Variants in CALN1 observed in about 807,000 individuals in gnomAD.
CALN1 encodes the protein calcium-binding protein 8.
In CALN1, 17 loss-of-function variants were observed where a neutral mutation model predicts 30.6. The ratio of observed to expected loss-of-function variants is 0.56; its 90% CI spans 0.38 to 0.83. CALN1 has a LOEUF of 0.83. CALN1 is among the 40% of genes least tolerant of loss of function. The pLI, the probability that CALN1 is intolerant of heterozygous loss-of-function variation, is 0.00. For synonymous variants in CALN1, 156 were observed against 131.4 expected, an observed-to-expected ratio of 1.19 and a Z score of -1.28; for missense variants, 291 against 354.9, an observed-to-expected ratio of 0.82 and a Z score of 1.45.
rs143421745 is a variant in CALN1 at position 72,132,108 on chromosome 7, C to T, written c.245-25814G>A. On this transcript the variant is annotated intron_variant, in intron 3 of 6. Transcript: ENST00000395275. The stretch of plus-strand genomic sequence containing the variant: ...TACACAAAAACATATTGATCAATAT[C>T]GCTCTATAGATGCCCCCTCAACTTA... Among the ~76,000 whole-genome samples the T allele has an allele frequency of 1.7e-3, 259 of 152,248 alleles. 2 individuals are homozygous for T. Among genetic ancestry groups the T allele is most frequent in the African/African-American group, 5.9e-3 (246 of 41,538 alleles).
chr7:71,843,492 G>A (rs563532571), intron 5 of CALN1, among the ~76,000 whole-genome samples: 23 of 152,192 alleles, frequency 1.5e-4, no homozygotes, highest in African/African-American at 4.1e-4. Context: ...GCATGGTAGT[G>A]TGCACCTGGA....
At chr7:71,804,884 C>T (rs1420273631) in intron 6 of CALN1, among the ~76,000 whole-genome samples, 1 of 152,192 alleles carries the variant, frequency 6.6e-6, no homozygotes, top group Non-Finnish European at 1.5e-5. Flanking sequence ...ATTGCTTTAA[C>T]CCAGGTGGCA....
chr7:72,487,902 GAAAGAA>G, the CALN1 span, among the ~76,000 whole-genome samples: 5 of 64,992 alleles, frequency 7.7e-5, no homozygotes, highest in African/African-American at 3.7e-4. Context: ...AAGAAAGAAA[GAAAGAA>G]AGAAAGAAAG....
intron 2 of CALN1, among the ~76,000 whole-genome samples, chr7:72,354,413 T>C (rs1359754412): frequency 6.6e-6 from 1 of 152,182 alleles, no homozygotes; most frequent in East Asian, 1.9e-4. Flanking sequence ...ATCATCAATA[T>C]CCTAATAAGC....
chr7:72,408,631 G>A (rs1251655198), intron 1 of CALN1, among the ~76,000 whole-genome samples: 1 of 148,872 alleles, frequency 6.7e-6, no homozygotes, highest in African/African-American at 2.5e-5. Flanking sequence ...ATTGCATGGT[G>A]GTCATGAAAA....
At chr7:72,374,797 T>G (rs1804454132) in intron 2 of CALN1, among the ~76,000 whole-genome samples, 2 of 152,188 alleles carry the variant, frequency 1.3e-5, no homozygotes, top group South Asian at 4.1e-4. Context: ...AGCATGAGGT[T>G]ATTTAACGTT....
At chr7:71,888,994 G>C (rs540992641) in intron 5 of CALN1, among the ~76,000 whole-genome samples, 8 of 152,352 alleles carry the variant, frequency 5.3e-5, no homozygotes, top group African/African-American at 1.9e-4. Flanking sequence ...AGGAGATCAG[G>C]AAAGGTAGGA....
At chr7:71,969,384 C>T (rs4717623) in intron 5 of CALN1, among the ~76,000 whole-genome samples, 59,578 of 151,944 alleles carry the variant, frequency 0.39, 13,153 homozygotes, top group East Asian at 0.78. Flanking sequence ...TCTAACAAAC[C>T]GTTTTATCTT....
chr7:71,800,328 C>T (rs1787227069), intron 6 of CALN1, among the ~76,000 whole-genome samples: 1 of 152,196 alleles, frequency 6.6e-6, no homozygotes, highest in South Asian at 2.1e-4. Flanking sequence ...GAATCCACAC[C>T]TCTTCCCCAG....
intron 3 of CALN1, among the ~76,000 whole-genome samples, chr7:72,182,917 A>C (rs1226510305): frequency 6.6e-6 from 1 of 152,168 alleles, no homozygotes; most frequent in Non-Finnish European, 1.5e-5. Flanking sequence ...TAGCAGAGGA[A>C]GGTCGAACGG....
the CALN1 span, among the ~76,000 whole-genome samples, chr7:72,468,925 G>A: frequency 6.6e-5 from 10 of 152,088 alleles, no homozygotes; most frequent in Non-Finnish European, 1.2e-4. Context: ...TTGTTGAGTT[G>A]TAAGAGTTTT....
Position 72,339,111 on chromosome 7 carries a change from G to T in CALN1, c.120-60301C>A, listed in dbSNP as rs887755995. ...CCGGGTTTATTTTACTTAACATAATGATCTCCACTTCCATCCATGTAGTTA... is the reference window on the plus strand; with the variant it reads ...CCGGGTTTATTTTACTTAACATAATTATCTCCACTTCCATCCATGTAGTTA... On this transcript the variant is annotated intron_variant, in intron 2 of 6. Coordinates refer to ENST00000395275, the MANE Select transcript of CALN1 (RefSeq NM_031468.4). Among the ~76,000 whole-genome samples, 80 of 152,040 alleles carry T rather than the reference G, an allele frequency of 5.3e-4. 1 individual carries two copies. The highest frequency in any genetic ancestry group is 1.8e-3 in the African/African-American group (75 of 41,386).
At chr7:71,861,038 T>C (rs927811204) in intron 5 of CALN1, among the ~76,000 whole-genome samples, 1 of 152,096 alleles carries the variant, frequency 6.6e-6, no homozygotes, top group South Asian at 2.1e-4. Flanking sequence ...TTAGGTCAGA[T>C]ACAGAGAGGC....
chr7:72,285,020 G>A lies in CALN1; in HGVS notation c.120-6210C>T, dbSNP rs1797991278. ...TGAGCAAAGCCCTGTGTGTTCTGCA[G>A]GGCTTCTAAAGCAGTGCTACTCAAA... On this transcript the variant is annotated intron_variant, in intron 2 of 6. Transcript: ENST00000395275. Among the ~76,000 whole-genome samples the A allele has an allele frequency of 3.9e-5, 6 of 152,136 alleles. No homozygotes were observed. In the South Asian group the frequency reaches 1.2e-3, roughly 32 times the overall value.
At chr7:72,021,658 C>T (rs1298208191) in intron 5 of CALN1, among the ~76,000 whole-genome samples, 1 of 152,178 alleles carries the variant, frequency 6.6e-6, no homozygotes, top group Non-Finnish European at 1.5e-5. Context: ...TCACTCTCCC[C>T]TGATCCTGGA....
chr7:72,449,040 G>A (rs1024988783), upstream of CALN1, among the ~76,000 whole-genome samples: 1 of 152,104 alleles, frequency 6.6e-6, no homozygotes, highest in Non-Finnish European at 1.5e-5. Context: ...GAGGTGGGCT[G>A]TAGTGTCAGA....
At chr7:72,468,238 T>C in the CALN1 span, among the ~76,000 whole-genome samples, 1 of 152,240 alleles carries the variant, frequency 6.6e-6, no homozygotes, top group African/African-American at 2.4e-5. Flanking sequence ...GAGTACTTGT[T>C]TTCAGTTCTT....
Position 71,785,717 on chromosome 7 carries a change from G to A in CALN1, c.*2058C>T, listed in dbSNP as rs1393349962. On this transcript the variant is annotated 3_prime_UTR_variant, in exon 7 of 7. Coordinates refer to ENST00000395275, the MANE Select transcript of CALN1 (RefSeq NM_031468.4). ...ACTGCCCAGGGCAGAGATTAAGGAT[G>A]AAGTTGTTCGATGTATTAATATTCT... 6.6e-6 allele frequency: 1 copy of A among 152,290 alleles called. No homozygotes were observed. The highest frequency in any genetic ancestry group is 1.5e-5 in the Non-Finnish European group (1 of 68,070). The allele number at this position is 152,290 out of a possible 1,614,324, so 9.4% of individuals were successfully genotyped here. A position where few individuals can be genotyped will look rare whatever the true frequency, so the allele number is the denominator to read the frequency against.
At chr7:71,806,078 C>A (rs962307635) in intron 6 of CALN1, among the ~76,000 whole-genome samples, 1 of 152,074 alleles carries the variant, frequency 6.6e-6, no homozygotes, top group Non-Finnish European at 1.5e-5. Context: ...AGGAGAGCAT[C>A]AGGAAAAATA....
Sources: gnomAD v4.1 joint callset for allele counts (sites outside exome capture counted in the v4.1 genomes callset) on GRCh38, gnomAD v4.1.1 for gene constraint, MANE v1.5 for transcripts, NCBI Gene and HGNC (gene_info 2026-07-23, HGNC 2026-07-21) for gene names.